PRRC2C: variants seen among roughly 807,000 people sequenced by gnomAD.
PRRC2C encodes the protein proline rich coiled-coil 2C.
In PRRC2C, 72 loss-of-function variants were observed where a neutral mutation model predicts 317.2. That is an observed-to-expected ratio of 0.23 (90% CI 0.19 to 0.28). The LOEUF is 0.28. Ranked by LOEUF, PRRC2C falls within the 10% of genes least tolerant of loss-of-function variation. The probability of loss-of-function intolerance (pLI) is 1.00; values close to 1 mark genes in which losing one functional copy is unlikely to be tolerated. For synonymous variants in PRRC2C, 1,296 were observed against 1,205.9 expected (o/e 1.07, Z -1.55); for missense variants, 3,074 against 3,459.7 (o/e 0.89, Z 2.80).
Position 171,532,531 on chromosome 1 carries a change from A to G in PRRC2C, c.1443A>G (p.Ala481=), listed in dbSNP as rs1362382410. ...EERRMEEQRK[A]ACAEKLKRLD... ...GAAGAATGGAAGAACAAAGGAAGGC[A>G]GCTTGTGCGGAGAAACTGAAACGAT... Residue 481 remains alanine (A), a synonymous_variant, in exon 12 of 35, where the codon GCA becomes GCG. Coordinates refer to ENST00000647382, the MANE Select transcript of PRRC2C (RefSeq NM_001387844.1). 2 of 1,600,346 alleles carry G rather than the reference A, an allele frequency of 1.2e-6. No homozygotes were observed. Among genetic ancestry groups the G allele is most frequent in the Admixed American group, 1.7e-5 (1 of 57,332 alleles).
chr1:171,515,711 T>A (rs1450226609), intron 4 of PRRC2C, 23 bp from the exon 5 acceptor site: 1 of 1,552,562 alleles, frequency 6.4e-7, no homozygotes, highest in Non-Finnish European at 8.7e-7. Flanking sequence ...TTACCTTTAA[T>A]GTTTTTTTAA....
chr1:171,514,171 T>C (rs1671884596), intron 3 of PRRC2C, among the ~76,000 whole-genome samples: 1 of 152,194 alleles, frequency 6.6e-6, no homozygotes. Flanking sequence ...GTCCAGACTG[T>C]ATGTATGTTT....
In PRRC2C at chr1:171,489,241, A is replaced by C. The variant is rs111469091; in HGVS notation, c.-58+3506A>C. The stretch of plus-strand genomic sequence containing the variant: ...TTCCTTTACCTCTAAGAATAGTATC[A>C]CAGGTAACCTTCGAAGAGTTTGTGT... On this transcript the variant is annotated intron_variant, in intron 1 of 34. Transcript: ENST00000647382. Among the ~76,000 whole-genome samples, 780 of 152,374 alleles carry C rather than the reference A, an allele frequency of 5.1e-3. 3 individuals are homozygous for C. Among genetic ancestry groups the C allele is most frequent in the African/African-American group, 0.017 (724 of 41,588 alleles).
At chr1:171,577,746 C>A in intron 26 of PRRC2C, 109 bp downstream of exon 26, 283 of 757,280 alleles carry the variant, frequency 3.7e-4, no homozygotes, top group Non-Finnish European at 5.4e-4. Context: ...TCTTAAAGTA[C>A]ATTGCTGTAA....
rs10913157 is a variant in PRRC2C, at chr1:171,517,773, G to A, written c.709G>A (p.Ala237Thr). The A allele has an allele frequency of 0.14, 218,651 of 1,613,174 alleles. 15,373 individuals are homozygous for A. Among genetic ancestry groups the A allele is most frequent in the East Asian group, 0.2 (8,978 of 44,858 alleles). ...PPQAKLNGQQ[A>T]ALASQYRAMM... ...ACAGGCTAAACTGAATGGACAGCAG[G>A]CTGCTCTCGCTTCCCAGTATAGAGC... Residue 237 changes from alanine (A) to threonine (T), a missense_variant, in exon 6 of 35, where the codon GCT (alanine) becomes ACT (threonine). Physicochemically the swap from Ala to Thr is moderately conservative, Grantham distance 58 (BLOSUM62 0). Around this residue, in one of 11 missense-constraint regions of PRRC2C, gnomAD observed 237 missense variants for 199.5 expected, o/e 1.19. Coordinates refer to ENST00000647382, the MANE Select transcript of PRRC2C (RefSeq NM_001387844.1).
At chr1:171,588,293 A>C in intron 32 of PRRC2C, 86 bp from the exon 33 acceptor site, 2 of 1,450,658 alleles carry the variant, frequency 1.4e-6, no homozygotes, top group Non-Finnish European at 1.9e-6. Flanking sequence ...AAGTATGATG[A>C]AAATACCAAG....
At chr1:171,556,274 G>T (rs1005777257) in intron 18 of PRRC2C, among the ~76,000 whole-genome samples, 1 of 152,218 alleles carries the variant, frequency 6.6e-6, no homozygotes, top group Admixed American at 6.5e-5. Context: ...TGCTAAGACC[G>T]TTGGAAAAGT....
chr1:171,538,789 G>T (rs1350009664), intron 15 of PRRC2C, among the ~76,000 whole-genome samples: 1 of 152,138 alleles, frequency 6.6e-6, no homozygotes, highest in Non-Finnish European at 1.5e-5. Context: ...ACAGCTCACT[G>T]CAGCCTTGAC....
intron 10 of PRRC2C, among the ~76,000 whole-genome samples, chr1:171,527,219 G>A (rs935467924): frequency 5.3e-5 from 8 of 151,424 alleles, no homozygotes; most frequent in Admixed American, 6.6e-5. Flanking sequence ...TGCAACCTCC[G>A]CCTCCCAGGT....
rs771184348 is a variant in PRRC2C at position 171,512,215 on chromosome 1, G to T, written c.112+15G>T. 11 of 1,478,928 alleles carry T rather than the reference G, an allele frequency of 7.4e-6. No homozygotes were observed. The highest frequency in any genetic ancestry group is 1.0e-5 in the Non-Finnish European group (11 of 1,079,236). 91.6% of individuals were successfully genotyped at this position (1,478,928 alleles called of 1,614,324 possible). On this transcript the variant is annotated intron_variant, in intron 2 of 34. Coordinates refer to ENST00000647382, the MANE Select transcript of PRRC2C (RefSeq NM_001387844.1). Reference sequence around the variant, plus strand: ...GAAAACCACAGGTGAGTAAAATCAAGTGACACTTATGTTTTTCATGGTTTG... The same window carrying T: ...GAAAACCACAGGTGAGTAAAATCAATTGACACTTATGTTTTTCATGGTTTG...
intron 1 of PRRC2C, among the ~76,000 whole-genome samples, chr1:171,487,067 G>T (rs868506801): frequency 9.9e-5 from 15 of 152,180 alleles, no homozygotes; most frequent in African/African-American, 3.6e-4. Flanking sequence ...TCAGAATATA[G>T]CCTTTTTAAG....
In PRRC2C at chr1:171,542,144, A is replaced by G. The variant is rs1678056751; in HGVS notation, c.4678A>G (p.Asn1560Asp). 8 of 1,611,928 alleles carry G rather than the reference A, an allele frequency of 5.0e-6. No individual in the cohort carries two copies. The highest frequency in any genetic ancestry group is 5.1e-6 in the Non-Finnish European group (6 of 1,179,074). The change falls in exon 16 of 35, where the codon AAT (asparagine) becomes GAT (aspartate). Residue 1560 changes from asparagine (N) to aspartate (D), a missense_variant. Asn to Asp is a conservative substitution (Grantham distance 23). Transcript: ENST00000647382. ...PVDRQNRRGN[N>D]GPPKSGRNFS... Reference sequence around the variant, plus strand: ...AGATCGTCAGAATCGACGTGGCAACAATGGTCCACCCAAATCAGGAAGGAA... The same window carrying G: ...AGATCGTCAGAATCGACGTGGCAACGATGGTCCACCCAAATCAGGAAGGAA...
Position 171,591,901 on chromosome 1 carries a change from T to C in PRRC2C, c.*54T>C. On this transcript the variant is annotated 3_prime_UTR_variant, in exon 35 of 35. Transcript: ENST00000647382. ...AGGGGGGCGGGAAAACATGGAGAAT[T>C]AAGTCAGATAATGCTGGCAGCCAAA... The C allele has an allele frequency of 7.1e-7, 1 of 1,404,534 alleles. No homozygotes were observed. Among genetic ancestry groups the C allele is most frequent in the Non-Finnish European group, 9.7e-7 (1 of 1,028,752 alleles). The allele number at this position is 1,404,534 out of a possible 1,614,324, so 87.0% of individuals were successfully genotyped here.
rs146137595 is a variant in PRRC2C at position 171,540,276 on chromosome 1, C to T, written c.2810C>T (p.Pro937Leu). 1,469 of 1,613,726 alleles carry T rather than the reference C, an allele frequency of 9.1e-4. 15 individuals are homozygous for T. In the African/African-American group the frequency reaches 0.014, roughly 16 times the overall value. The stretch of plus-strand genomic sequence containing the variant: ...CATGGATCTAACCATACGCAAAAAC[C>T]AGACGAGCAGAGAAGTGAACCATCT... Reference protein sequence around the residue: ...VSHGSNHTQKPDEQRSEPSAG... With the variant: ...VSHGSNHTQKLDEQRSEPSAG... Residue 937 changes from proline to leucine, a missense_variant, in exon 16 of 35, where the codon CCA (proline) becomes CTA (leucine). Physicochemically the swap from Pro to Leu is moderately conservative, Grantham distance 98. Transcript: ENST00000647382.
chr1:171,577,189 G>A (rs1443275838), intron 25 of PRRC2C, among the ~76,000 whole-genome samples: 1 of 152,002 alleles, frequency 6.6e-6, no homozygotes, highest in Non-Finnish European at 1.5e-5. Context: ...TATTAATTTT[G>A]TGTTTTGTTT....
intron 19 of PRRC2C, among the ~76,000 whole-genome samples, 153 bp downstream of exon 19, chr1:171,558,296 T>G (rs1681835172): frequency 6.6e-6 from 1 of 152,218 alleles, no homozygotes; most frequent in Non-Finnish European, 1.5e-5. Context: ...TTTCTTAAAA[T>G]TTTTGTTTTA....
rs759172932 is a variant in PRRC2C at position 171,540,260 on chromosome 1, A to G, written c.2794A>G (p.Asn932Asp). 1 of 1,613,862 alleles carries G rather than the reference A, an allele frequency of 6.2e-7. No individual in the cohort carries two copies. Among genetic ancestry groups the G allele is most frequent in the East Asian group, 2.2e-5 (1 of 44,878 alleles). The change falls in exon 16 of 35, where the codon AAC (asparagine) becomes GAC (aspartate). Residue 932 changes from asparagine to aspartate, a missense_variant. Physicochemically the swap from Asn to Asp is conservative, Grantham distance 23. Coordinates refer to ENST00000647382, the MANE Select transcript of PRRC2C (RefSeq NM_001387844.1). ...GAAAAGAAGTGTTTCCCATGGATCTAACCATACGCAAAAACCAGACGAGCA... is the reference window on the plus strand; with the variant it reads ...GAAAAGAAGTGTTTCCCATGGATCTGACCATACGCAAAAACCAGACGAGCA... ...SRKRSVSHGS[N>D]HTQKPDEQRS... is the part of the protein sequence containing the mutation.
intron 24 of PRRC2C, among the ~76,000 whole-genome samples, chr1:171,574,511 C>T (rs1185779893): frequency 1.3e-5 from 2 of 152,068 alleles, no homozygotes; most frequent in Admixed American, 1.3e-4. Flanking sequence ...TCTATTGCAC[C>T]CAAGCCTAAA....
At chr1:171,572,086 G>A (rs1460181636) in intron 24 of PRRC2C, among the ~76,000 whole-genome samples, 2 of 151,548 alleles carry the variant, frequency 1.3e-5, no homozygotes, top group Admixed American at 6.6e-5. Flanking sequence ...AAATCAGTTC[G>A]TCTTTGGAGT....
Sources: allele counts gnomAD v4.1 joint callset (sites outside exome capture counted in the v4.1 genomes callset), GRCh38; gene constraint gnomAD v4.1.1; regional missense constraint gnomAD v4.1.1; transcripts MANE v1.5; gene names NCBI Gene and HGNC (gene_info 2026-07-23, HGNC 2026-07-21).